Variants in F13A1 observed in about 807,000 individuals in gnomAD.
F13A1 encodes FSF, A subunit.
F13A1 carries 47 observed loss-of-function variants against 80.1 expected under a neutral mutation model. The observed-to-expected ratio is 0.59, with a 90% confidence interval of 0.46 to 0.75. The LOEUF (loss-of-function observed/expected upper bound fraction) is 0.75, where lower values mean the gene tolerates loss of function less well. Ranked by LOEUF, F13A1 falls within the 30% of genes least tolerant of loss-of-function variation. The pLI, the probability that F13A1 is intolerant of heterozygous loss-of-function variation, is 0.00. For synonymous variants in F13A1, 349 were observed against 344.9 expected, an observed-to-expected ratio of 1.01 and a Z score of -0.13; for missense variants, 817 against 930.4, an observed-to-expected ratio of 0.88 and a Z score of 1.59.
chr6:6,298,603 A>G (rs1758369184), intron 3 of F13A1, among the ~76,000 whole-genome samples: 1 of 149,256 alleles, frequency 6.7e-6, no homozygotes, highest in East Asian at 1.9e-4. Flanking sequence ...TTTGCTTGGT[A>G]GATCTTCCTC....
intron 3 of F13A1, among the ~76,000 whole-genome samples, chr6:6,286,939 A>G (rs1393024326): frequency 6.6e-6 from 1 of 152,208 alleles, no homozygotes; most frequent in Admixed American, 6.5e-5. Flanking sequence ...AAGGAATACC[A>G]TAAGAATTTA....
intron 8 of F13A1, among the ~76,000 whole-genome samples, chr6:6,199,480 G>C (rs150770601): frequency 2.7e-5 from 4 of 148,470 alleles, no homozygotes; most frequent in Admixed American, 2.0e-4. Context: ...TCGACAGAGC[G>C]AGACTCCATC....
intron 3 of F13A1, among the ~76,000 whole-genome samples, chr6:6,279,079 T>G (rs1758026580): frequency 2.0e-5 from 3 of 152,160 alleles, no homozygotes; most frequent in Admixed American, 2.0e-4. Flanking sequence ...TACTGCACTA[T>G]GTACCTTTCC....
intron 3 of F13A1, among the ~76,000 whole-genome samples, chr6:6,300,770 G>A (rs114819711): frequency 1.1e-3 from 160 of 151,736 alleles, no homozygotes; most frequent in African/African-American, 3.3e-3. Flanking sequence ...TCCTCCCCCC[G>A]AGATTCTTTT....
chr6:6,206,013 A>G (rs897402128), intron 8 of F13A1, among the ~76,000 whole-genome samples: 8 of 152,274 alleles, frequency 5.3e-5, no homozygotes, highest in Admixed American at 2.0e-4. Context: ...CTGACTGAAC[A>G]TGAAGAAAAT....
At chr6:6,155,948 T>A (rs1226480417) in intron 13 of F13A1, among the ~76,000 whole-genome samples, 1 of 152,248 alleles carries the variant, frequency 6.6e-6, no homozygotes, top group African/African-American at 2.4e-5. Context: ...ATTTTCTTGC[T>A]CTCATAAAAC....
chr6:6,204,376 T>C (rs573652900), intron 8 of F13A1, among the ~76,000 whole-genome samples: 1 of 152,148 alleles, frequency 6.6e-6, no homozygotes, highest in South Asian at 2.1e-4. Context: ...TGGACCAACT[T>C]CAACTGTAAA....
At chr6:6,315,300 G>C (rs1350910359) in intron 2 of F13A1, among the ~76,000 whole-genome samples, 1 of 152,218 alleles carries the variant, frequency 6.6e-6, no homozygotes. Context: ...AATCTGAGGA[G>C]ATCGTCTCAG....
chr6:6,167,542 A>T lies in F13A1; in HGVS notation c.1824T>A (p.Phe608Leu). ...TGGTCTCATTGATGCGAGCTGTGAC[A>T]AAGAAGTGCAGGGACGCTTGTTCCA... ...QLLEQASLHF[F>L]VTARINETRD... The change falls in exon 13 of 15, where the codon TTT becomes TTA. Residue 608 changes from phenylalanine to leucine, a missense_variant. Coordinates refer to ENST00000264870, the MANE Select transcript of F13A1 (RefSeq NM_000129.4). 6.2e-7 allele frequency: 1 copy of T among 1,614,114 alleles called. No homozygotes were observed. Among genetic ancestry groups the T allele is most frequent in the Non-Finnish European group, 8.5e-7 (1 of 1,180,022 alleles).
intron 4 of F13A1, among the ~76,000 whole-genome samples, chr6:6,264,298 A>G (rs1432554996): frequency 6.6e-6 from 1 of 152,224 alleles, no homozygotes; most frequent in Non-Finnish European, 1.5e-5. Context: ...AACAAACCAA[A>G]GTCTGGGTAA....
rs375464872 is a variant in F13A1 at position 6,190,996 on chromosome 6, A to G, written c.1305+4801T>C. On this transcript the variant is annotated intron_variant, in intron 10 of 14. Transcript: ENST00000264870. Reference sequence around the variant, plus strand: ...TGAGTGACCCGATTTTCCAGGTGCCATCCGTCACCCCTTTCTTTGACTAGG... The same window carrying G: ...TGAGTGACCCGATTTTCCAGGTGCCGTCCGTCACCCCTTTCTTTGACTAGG... 1.8e-4 allele frequency among the ~76,000 whole-genome samples: 25 copies of G among 140,008 alleles called. No homozygotes were observed. In the South Asian group the frequency reaches 2.8e-3, roughly 16 times the overall value. The allele number at this position is 140,008 out of a possible 152,430, so 91.9% of individuals were successfully genotyped here. A position where few individuals can be genotyped will look rare whatever the true frequency, so the allele number is the denominator to read the frequency against.
intron 3 of F13A1, among the ~76,000 whole-genome samples, chr6:6,303,724 A>C (rs772399034): frequency 2.0e-5 from 3 of 152,142 alleles, no homozygotes; most frequent in Non-Finnish European, 4.4e-5. Context: ...CCACTCAAGA[A>C]CATGTTTGAC....
Position 6,224,767 on chromosome 6 carries a change from C to T in F13A1, c.892G>A (p.Asp298Asn), listed in dbSNP as rs753065093. 1 of 1,614,134 alleles carries T rather than the reference C, an allele frequency of 6.2e-7. No individual in the cohort carries two copies. Among genetic ancestry groups the T allele is most frequent in the African/African-American group, 1.3e-5 (1 of 75,048 alleles). Reference sequence around the variant, plus strand: ...GAGCTCCGGTATTCCAATAGAATGTCAACGCTTCCAGTCCAGGCCGATGGG... The same window carrying T: ...GAGCTCCGGTATTCCAATAGAATGTTAACGCTTCCAGTCCAGGCCGATGGG... Reference protein sequence around the residue: ...VPPSAWTGSVDILLEYRSSEN... With the variant: ...VPPSAWTGSVNILLEYRSSEN... Residue 298 changes from aspartate (D) to asparagine (N), a missense_variant, in exon 7 of 15, where the codon GAC (aspartate) becomes AAC (asparagine). Physicochemically the swap from Asp to Asn is conservative, Grantham distance 23. Coordinates refer to ENST00000264870, the MANE Select transcript of F13A1 (RefSeq NM_000129.4).
At chr6:6,218,347 C>A (rs1757133991) in intron 8 of F13A1, among the ~76,000 whole-genome samples, 2 of 152,164 alleles carry the variant, frequency 1.3e-5, no homozygotes, top group Non-Finnish European at 2.9e-5. Flanking sequence ...TCACTGAGCC[C>A]TCGTATTCTA....
chr6:6,226,232 A>G (rs1757273856), intron 6 of F13A1, among the ~76,000 whole-genome samples: 3 of 152,194 alleles, frequency 2.0e-5, no homozygotes, highest in Admixed American at 2.0e-4. Flanking sequence ...CATTTCAACA[A>G]TGTTTACATT....
intron 6 of F13A1, among the ~76,000 whole-genome samples, chr6:6,226,967 G>A (rs752627772): frequency 4.7e-5 from 7 of 147,846 alleles, no homozygotes; most frequent in South Asian, 2.3e-4. Flanking sequence ...AGGCAAACTG[G>A]CCAGAAAAGG....
In F13A1 at chr6:6,162,442, C is replaced by T. The variant is rs1760591960; in HGVS notation, c.1908+5016G>A. Among the ~76,000 whole-genome samples, 2 of 152,236 alleles carry T rather than the reference C, an allele frequency of 1.3e-5. No homozygotes were observed. Among genetic ancestry groups the T allele is most frequent in the South Asian group, 4.1e-4 (2 of 4,824 alleles). ...TCTACAGTCTTAATTCTTGATGTCC[C>T]ACACCACTCAAGTGTGTGTGATCTC... On this transcript the variant is annotated intron_variant, in intron 13 of 14. Transcript: ENST00000264870. This position sits in a 1 kb window ranked among gnomAD's most constrained non-coding sequence, Gnocchi z 4.2.
At position 6,318,686 on chromosome 6, in the gene F13A1, C is replaced by CATAA; in HGVS notation, c.-18-5_-18-4insTTAT. The CATAA allele has an allele frequency of 8.5e-6, 11 of 1,289,884 alleles. No individual in the cohort carries two copies. The East Asian group carries it at 2.5e-4, about 29-fold the overall frequency. 79.9% of individuals were successfully genotyped at this position (1,289,884 alleles called of 1,614,324 possible). A position where few individuals can be genotyped will look rare whatever the true frequency, so the allele number is the denominator to read the frequency against. Reference sequence around the variant, plus strand: ...ACATTTTTGACTTTACAAGGTCCTTCAGAAAAAAAAAAAAAAGAAGACAAC... The same window carrying CATAA: ...ACATTTTTGACTTTACAAGGTCCTTCATAAAGAAAAAAAAAAAAAAGAAGACAAC... On this transcript the variant is annotated splice_region_variant and splice_polypyrimidine_tract_variant and intron_variant, in intron 1 of 14. Coordinates refer to ENST00000264870, the MANE Select transcript of F13A1 (RefSeq NM_000129.4).
intron 5 of F13A1, among the ~76,000 whole-genome samples, chr6:6,249,907 G>A (rs750326951): frequency 1.6e-4 from 24 of 152,088 alleles, no homozygotes; most frequent in Non-Finnish European, 2.9e-4. Flanking sequence ...GTAATTCTCC[G>A]GAGTCAGGGA....
Sources: gnomAD v4.1 joint callset for allele counts (sites outside exome capture counted in the v4.1 genomes callset) on GRCh38, gnomAD v4.1.1 for gene constraint, Gnocchi (gnomAD v3.1) non-coding constraint, MANE v1.5 for transcripts, NCBI Gene and HGNC (gene_info 2026-07-23, HGNC 2026-07-21) for gene names.